Variants in VWC2L observed in about 807,000 individuals in gnomAD.
VWC2L encodes the protein von Willebrand factor C domain containing 2 like.
In VWC2L, 10 loss-of-function variants were observed where a neutral mutation model predicts 21.6. That is an observed-to-expected ratio of 0.46 (90% CI 0.29 to 0.78). VWC2L has a LOEUF of 0.78. Among genes scored for constraint, VWC2L ranks in the 30% least tolerant of loss-of-function variants. The pLI is 0.10. For synonymous variants in VWC2L, 96 were observed against 94.3 expected, an observed-to-expected ratio of 1.02 and a Z score of -0.10; for missense variants, 209 against 277.1, an observed-to-expected ratio of 0.75 and a Z score of 1.74.
At chr2:214,442,614 C>A (rs1171864197) in intron 3 of VWC2L, among the ~76,000 whole-genome samples, 1 of 151,924 alleles carries the variant, frequency 6.6e-6, no homozygotes, top group African/African-American at 2.4e-5. Context: ...TTTTATTTCA[C>A]AGGACTCTTT....
At chr2:214,444,819 G>A (rs995086124) in intron 3 of VWC2L, among the ~76,000 whole-genome samples, 4 of 151,858 alleles carry the variant, frequency 2.6e-5, no homozygotes, top group African/African-American at 9.7e-5. Context: ...TGAAAGTGAA[G>A]TTACATTGCT....
intron 3 of VWC2L, among the ~76,000 whole-genome samples, chr2:214,480,041 GT>G (rs1688580911): frequency 2.0e-5 from 3 of 151,974 alleles, no homozygotes; most frequent in Admixed American, 6.6e-5. Flanking sequence ...CAGAATTTAC[GT>G]TGTATTACAT....
intron 3 of VWC2L, among the ~76,000 whole-genome samples, chr2:214,441,428 A>G (rs1300465286): frequency 6.6e-6 from 1 of 152,130 alleles, no homozygotes; most frequent in Non-Finnish European, 1.5e-5. Flanking sequence ...ATAATCACCA[A>G]ATGGATAAGG....
intron 3 of VWC2L, among the ~76,000 whole-genome samples, chr2:214,528,932 C>T (rs530641288): frequency 1.1e-4 from 16 of 152,272 alleles, no homozygotes; most frequent in African/African-American, 3.9e-4. Context: ...ATTTCACTTC[C>T]ACTATATGAA....
intron 3 of VWC2L, among the ~76,000 whole-genome samples, chr2:214,556,498 G>C (rs1689875075): frequency 6.6e-6 from 1 of 152,016 alleles, no homozygotes; most frequent in Non-Finnish European, 1.5e-5. Context: ...GAAACATGAA[G>C]GGTCACACAC....
intron 3 of VWC2L, among the ~76,000 whole-genome samples, chr2:214,461,809 G>A (rs1049695248): frequency 7.9e-5 from 12 of 152,134 alleles, no homozygotes; most frequent in African/African-American, 1.4e-4. Flanking sequence ...CAGCAGTGGC[G>A]GTATGTGGAG....
intron 3 of VWC2L, among the ~76,000 whole-genome samples, chr2:214,552,381 C>CT (rs890351335): frequency 1.3e-5 from 2 of 151,500 alleles, no homozygotes; most frequent in African/African-American, 2.4e-5. Flanking sequence ...AATCAACATG[C>CT]TTTTTTTTTC....
chr2:214,575,303 G>A lies in VWC2L; in HGVS notation c.521-369G>A, dbSNP rs16852033. ...CCACCATCTGAGGCCGACCATGTCA[G>A]CCCTCCCTCGTGTTTCAGAGCATAC... On this transcript the variant is annotated intron_variant, in intron 3 of 3. Transcript: ENST00000312504. 6.0e-3 allele frequency among the ~76,000 whole-genome samples: 917 copies of A among 152,252 alleles called. 6 individuals are homozygous for A. Among genetic ancestry groups the A allele is most frequent in the African/African-American group, 0.021 (869 of 41,550 alleles).
At chr2:214,429,611 A>G (rs1244692166) in intron 2 of VWC2L, among the ~76,000 whole-genome samples, 1 of 151,884 alleles carries the variant, frequency 6.6e-6, no homozygotes, top group African/African-American at 2.4e-5. Flanking sequence ...CCTTACCTAT[A>G]TTTTTTAAAA....
chr2:214,521,019 C>T (rs1050478680), intron 3 of VWC2L, among the ~76,000 whole-genome samples: 1 of 151,530 alleles, frequency 6.6e-6, no homozygotes, highest in African/African-American at 2.4e-5. Flanking sequence ...GTCAGGAGAT[C>T]GAGACCATCC....
At chr2:214,497,585 T>G (rs764871549) in intron 3 of VWC2L, among the ~76,000 whole-genome samples, 1 of 152,222 alleles carries the variant, frequency 6.6e-6, no homozygotes, top group Non-Finnish European at 1.5e-5. Flanking sequence ...AGCTCATACT[T>G]TGGCTCAGGA....
intron 2 of VWC2L, among the ~76,000 whole-genome samples, chr2:214,428,834 A>G (rs1045814843): frequency 1.4e-5 from 2 of 144,724 alleles, no homozygotes; most frequent in Non-Finnish European, 3.0e-5. Flanking sequence ...AAAAAAAAAA[A>G]GGAGTTCCTG....
intron 3 of VWC2L, among the ~76,000 whole-genome samples, chr2:214,459,132 G>A (rs1481027738): frequency 6.6e-6 from 1 of 152,054 alleles, no homozygotes; most frequent in African/African-American, 2.4e-5. Context: ...GTTATATCTT[G>A]TTGCTGAATT....
intron 2 of VWC2L, among the ~76,000 whole-genome samples, chr2:214,416,569 T>A (rs1334359037): frequency 1.3e-5 from 2 of 152,062 alleles, no homozygotes; most frequent in Admixed American, 1.3e-4. Flanking sequence ...ACCAAAAAAG[T>A]ATAAATTACT....
At chr2:214,461,295 G>A (rs1703136740) in intron 3 of VWC2L, among the ~76,000 whole-genome samples, 1 of 152,188 alleles carries the variant, frequency 6.6e-6, no homozygotes, top group Non-Finnish European at 1.5e-5. Flanking sequence ...CAGTTGAGTA[G>A]GTCCTCATAC....
At chr2:214,503,804 A>T (rs541098844) in intron 3 of VWC2L, among the ~76,000 whole-genome samples, 2 of 151,942 alleles carry the variant, frequency 1.3e-5, no homozygotes, top group South Asian at 4.1e-4. Context: ...CAAGTAAGAT[A>T]TGAGTATGTT....
intron 3 of VWC2L, among the ~76,000 whole-genome samples, chr2:214,465,016 G>A (rs1391069558): frequency 6.6e-6 from 1 of 151,978 alleles, no homozygotes; most frequent in African/African-American, 2.4e-5. Context: ...CCAGGCCTAG[G>A]TCTCTCCTTT....
intron 3 of VWC2L, among the ~76,000 whole-genome samples, chr2:214,568,396 A>G (rs1690100514): frequency 6.6e-6 from 1 of 152,158 alleles, no homozygotes; most frequent in Non-Finnish European, 1.5e-5. Context: ...CTTGTTTGGA[A>G]TGAGTATTTA....
chr2:214,535,893 C>T (rs1485208969), intron 3 of VWC2L, among the ~76,000 whole-genome samples: 1 of 151,996 alleles, frequency 6.6e-6, no homozygotes, highest in African/African-American at 2.4e-5. Context: ...AATATATACT[C>T]CCCTCTAAAA....
Sources: allele counts gnomAD v4.1 joint callset (sites outside exome capture counted in the v4.1 genomes callset), GRCh38; gene constraint gnomAD v4.1.1; transcripts MANE v1.5; gene names NCBI Gene and HGNC (gene_info 2026-07-23, HGNC 2026-07-21).